EXOC6B: variants seen among roughly 807,000 people sequenced by gnomAD.
EXOC6B encodes SEC15 homolog B.
EXOC6B carries 54 observed loss-of-function variants against 113.5 expected under a neutral mutation model. The ratio of observed to expected loss-of-function variants is 0.48; its 90% CI spans 0.38 to 0.60. EXOC6B has a LOEUF of 0.60. EXOC6B is among the 20% of genes least tolerant of loss of function. The pLI is 0.00. For synonymous variants in EXOC6B, 357 were observed against 339.0 expected (o/e 1.05, Z -0.58); for missense variants, 797 against 977.5 (o/e 0.82, Z 2.46).
intron 18 of EXOC6B, chr2:72,462,449 A>G (rs1038503967): frequency 5.3e-5 from 8 of 152,002 alleles, no homozygotes; most frequent in African/African-American, 1.9e-4. Context: ...TTAATCCCCA[A>G]TGCAACTTTG....
intron 7 of EXOC6B, among the ~76,000 whole-genome samples, chr2:72,562,003 C>G (rs1015295544): frequency 6.6e-6 from 1 of 152,142 alleles, no homozygotes; most frequent in Non-Finnish European, 1.5e-5. Flanking sequence ...ACCTTTACCT[C>G]TACTCCCAAA....
chr2:72,698,611 A>C (rs1271663687), intron 6 of EXOC6B, among the ~76,000 whole-genome samples: 1 of 151,264 alleles, frequency 6.6e-6, no homozygotes, highest in Non-Finnish European at 1.5e-5. Context: ...AATAAGGAGC[A>C]AGAAAAAAAT....
intron 18 of EXOC6B, among the ~76,000 whole-genome samples, chr2:72,446,901 AC>A (rs1436133742): frequency 6.6e-6 from 1 of 152,186 alleles, no homozygotes; most frequent in Non-Finnish European, 1.5e-5. Flanking sequence ...GGAGATCAAG[AC>A]CGTCCTGGCC....
intron 1 of EXOC6B, among the ~76,000 whole-genome samples, chr2:72,759,010 G>A (rs1354387735): frequency 1.3e-5 from 2 of 152,162 alleles, no homozygotes; most frequent in African/African-American, 4.8e-5. Context: ...TTTTCTTTAA[G>A]TGTAACAACA....
intron 6 of EXOC6B, among the ~76,000 whole-genome samples, chr2:72,652,613 T>C (rs1245963368): frequency 6.6e-6 from 1 of 150,830 alleles, no homozygotes; most frequent in East Asian, 1.9e-4. Flanking sequence ...TAAAGACTAG[T>C]CAGAAAACTA....
At position 72,519,990 on chromosome 2, in the gene EXOC6B, T is replaced by C. The variant is rs567519473; in HGVS notation, c.916-4864A>G. 2.6e-5 allele frequency among the ~76,000 whole-genome samples: 4 copies of C among 152,278 alleles called. No homozygotes were observed. The East Asian group carries it at 7.7e-4, about 29-fold the overall frequency. ...GATAACTCAAACATAACTTTGAACA[T>C]CAACTACTTAGAAAAGACTTTTCTA... On this transcript the variant is annotated intron_variant, in intron 8 of 21. Transcript: ENST00000272427.
chr2:72,205,135 C>T (rs1442534435), intron 20 of EXOC6B, among the ~76,000 whole-genome samples: 1 of 152,088 alleles, frequency 6.6e-6, no homozygotes, highest in Non-Finnish European at 1.5e-5. Flanking sequence ...CATGAGGCAA[C>T]TGACAGAGCA....
At chr2:72,785,375 A>G (rs1000126966) in intron 1 of EXOC6B, among the ~76,000 whole-genome samples, 6 of 152,052 alleles carry the variant, frequency 3.9e-5, no homozygotes, top group African/African-American at 1.4e-4. Context: ...CCCAGTAGGG[A>G]CTCTGTGTGG....
intron 17 of EXOC6B, among the ~76,000 whole-genome samples, chr2:72,478,406 T>C (rs13415635): frequency 0.024 from 3,681 of 152,296 alleles, 155 homozygotes; most frequent in African/African-American, 0.083. Flanking sequence ...AAGGGAAAGT[T>C]TTCTGGAAAC....
intron 1 of EXOC6B, among the ~76,000 whole-genome samples, chr2:72,767,586 A>G (rs1054485547): frequency 6.6e-6 from 1 of 151,078 alleles, no homozygotes; most frequent in Non-Finnish European, 1.5e-5. Flanking sequence ...AGGCCGGCGG[A>G]TTGCTTGAGG....
chr2:72,639,241 C>T (rs990094563), intron 6 of EXOC6B, among the ~76,000 whole-genome samples: 1 of 152,180 alleles, frequency 6.6e-6, no homozygotes, highest in Non-Finnish European at 1.5e-5. Flanking sequence ...TGAGACAGCC[C>T]TGACCCCACT....
chr2:72,471,074 G>T (rs896140747), intron 17 of EXOC6B, among the ~76,000 whole-genome samples: 6 of 152,050 alleles, frequency 3.9e-5, no homozygotes, highest in African/African-American at 1.4e-4. Context: ...CTAGTTTACA[G>T]TCCCACCAAC....
intron 11 of EXOC6B, among the ~76,000 whole-genome samples, chr2:72,509,611 G>C (rs1180497718): frequency 6.6e-6 from 1 of 151,882 alleles, no homozygotes; most frequent in Non-Finnish European, 1.5e-5. Context: ...GAAAAGGTAA[G>C]AGACATTAAA....
At chr2:72,425,553 C>A (rs566142790) in intron 18 of EXOC6B, among the ~76,000 whole-genome samples, 2 of 152,050 alleles carry the variant, frequency 1.3e-5, no homozygotes, top group East Asian at 3.9e-4. Context: ...ATTAATATGA[C>A]CTTCCCTCCA....
At chr2:72,313,528 A>G (rs575124189) in intron 20 of EXOC6B, among the ~76,000 whole-genome samples, 1 of 152,334 alleles carries the variant, frequency 6.6e-6, no homozygotes, top group East Asian at 1.9e-4. Flanking sequence ...AAGAGATTTT[A>G]GAAGGGTGTG....
intron 6 of EXOC6B, among the ~76,000 whole-genome samples, chr2:72,690,672 T>G (rs1677424384): frequency 6.6e-6 from 1 of 152,180 alleles, no homozygotes; most frequent in South Asian, 2.1e-4. Flanking sequence ...TGTTATATCT[T>G]CTTAGTTTTT....
rs1699029359 is a variant in EXOC6B at position 72,480,691 on chromosome 2, T to A, written c.1725A>T (p.Glu575Asp). 1 of 1,594,898 alleles carries A rather than the reference T, an allele frequency of 6.3e-7. No homozygotes were observed. Residue 575 changes from glutamate (E) to aspartate (D), a missense_variant, in exon 17 of 22, where the codon GAA (glutamate) becomes GAT (aspartate). By Grantham distance (45) the Glu-to-Asp change is conservative. Coordinates refer to ENST00000272427, the MANE Select transcript of EXOC6B (RefSeq NM_015189.3). ...GCACATTAGTGATGTTGGTGATAAA[T>A]TCTTCCAAGTACTTACAGGATTTCT... ...HLEKSCKYLEEFITNITNVLP... is the reference protein window; with the variant it reads ...HLEKSCKYLEDFITNITNVLP...
Position 72,295,013 on chromosome 2 carries a change from A to C in EXOC6B, c.2196+39934T>G, listed in dbSNP as rs191564394. On this transcript the variant is annotated intron_variant, in intron 20 of 21. Coordinates refer to ENST00000272427, the MANE Select transcript of EXOC6B (RefSeq NM_015189.3). ...TTTGGGAGGCTGAGGCCAGTGGATC[A>C]CGTGGTCAGGAAATCGAGACCGTCC... is the stretch of plus-strand genomic sequence containing the variant. Among the ~76,000 whole-genome samples the C allele has an allele frequency of 4.5e-3, 681 of 152,200 alleles. 2 individuals carry two copies. Among genetic ancestry groups the C allele is most frequent in the African/African-American group, 0.016 (646 of 41,552 alleles).
chr2:72,350,088 C>CA (rs1442290598), intron 19 of EXOC6B, among the ~76,000 whole-genome samples: 1 of 152,106 alleles, frequency 6.6e-6, no homozygotes, highest in Non-Finnish European at 1.5e-5. Context: ...TATGTCCCAG[C>CA]AGAAGTAATT....
Sources: gnomAD v4.1 joint callset for allele counts (sites outside exome capture counted in the v4.1 genomes callset) on GRCh38, gnomAD v4.1.1 for gene constraint, MANE v1.5 for transcripts, NCBI Gene and HGNC (gene_info 2026-07-23, HGNC 2026-07-21) for gene names.